DMD: variants seen among roughly 807,000 people sequenced by gnomAD.
The protein encoded by DMD is mutant dystrophin.
A neutral mutation model predicts 330.1 loss-of-function variants in DMD; 63 were observed. The ratio of observed to expected loss-of-function variants is 0.19; its 90% CI spans 0.16 to 0.24. The LOEUF (loss-of-function observed/expected upper bound fraction) is 0.24. Ranked by LOEUF, DMD falls within the 10% of genes least tolerant of loss-of-function variation. DMD has a pLI of 1.00. For synonymous variants in DMD, 1,223 were observed against 959.8 expected (o/e 1.27, Z -5.07); for missense variants, 3,344 against 2,684.1 (o/e 1.25, Z -5.43).
chrX:32,463,443 T>A lies in DMD; in HGVS notation c.3428A>T (p.Gln1143Leu). 1 of 1,206,995 alleles carries A rather than the reference T, an allele frequency of 8.3e-7. No homozygotes were observed. The highest frequency in any genetic ancestry group is 1.1e-6 in the Non-Finnish European group (1 of 893,075). ...AGTGAAAGAGATTGTCTATACCTGT[T>A]GGCACATGTGATCCCACTGAGTGTT... is the stretch of plus-strand genomic sequence containing the variant. ...ELNTQWDHMC[Q>L]QVYARKEALK... The change falls in exon 25 of 79, where the codon CAA becomes CTA. Residue 1143 changes from glutamine to leucine, a missense_variant. By Grantham distance (113) the Gln-to-Leu change is moderately radical. Transcript: ENST00000357033.
In DMD at chrX:32,644,971, G is replaced by A; in HGVS notation, c.1142C>T (p.Thr381Ile). Residue 381 changes from threonine to isoleucine, a missense_variant, in exon 10 of 79, where the codon ACT (threonine) becomes ATT (isoleucine). Coordinates refer to ENST00000357033, the MANE Select transcript of DMD (RefSeq NM_004006.3). ...ATTAACGTTTTAGTTTACCTCATGAGTATGAAACTGGTCTTTCACCACTTC... is the reference window on the plus strand; with the variant it reads ...ATTAACGTTTTAGTTTACCTCATGAATATGAAACTGGTCTTTCACCACTTC... ...DVEVVKDQFH[T>I]HEGYMMDLTA... 1 of 1,211,071 alleles carries A rather than the reference G, an allele frequency of 8.3e-7. No homozygotes were observed. Among genetic ancestry groups the A allele is most frequent in the Non-Finnish European group, 1.1e-6 (1 of 894,967 alleles).
At chrX:33,335,625 T>A (rs963430044) in intron 1 of DMD, among the ~76,000 whole-genome samples, 8 of 110,850 alleles carry the variant, frequency 7.2e-5, no homozygotes, top group Non-Finnish European at 1.3e-4. Context: ...TTGTTCTGCT[T>A]CCCAGATAGA....
intron 43 of DMD, among the ~76,000 whole-genome samples, chrX:32,281,742 C>A (rs933773556): frequency 5.4e-4 from 61 of 112,060 alleles, no homozygotes; most frequent in Middle Eastern, 9.3e-3. Context: ...TCAACATTTC[C>A]TTTATTTTAT....
chrX:32,438,376 C>G lies in DMD; in HGVS notation c.3936G>C (p.Leu1312Phe), dbSNP rs377156960. 3.7e-5 allele frequency: 45 copies of G among 1,209,710 alleles called. No homozygotes were observed. Among genetic ancestry groups the G allele is most frequent in the Middle Eastern group, 4.6e-4 (2 of 4,371 alleles). Residue 1312 changes from leucine (L) to phenylalanine (F), a missense_variant, in exon 29 of 79, where the codon TTG (leucine) becomes TTC (phenylalanine). Physicochemically the swap from Leu to Phe is conservative, Grantham distance 22 (BLOSUM62 0). Coordinates refer to ENST00000357033, the MANE Select transcript of DMD (RefSeq NM_004006.3). Reference protein sequence around the residue: ...ISEVLDSLENLMRHSEDNPNQ... With the variant: ...ISEVLDSLENFMRHSEDNPNQ... ...TTGGGTTATCCTCTGAATGTCGCAT[C>G]AAATTTTCAAGTGACTGAAACACAT...
intron 60 of DMD, among the ~76,000 whole-genome samples, chrX:31,436,345 A>C (rs1262930007): frequency 8.9e-6 from 1 of 111,804 alleles, no homozygotes; most frequent in African/African-American, 3.2e-5. Context: ...CATTCTCTTA[A>C]ATTCATAAAT....
chrX:32,489,350 G>GT (rs772838898), intron 20 of DMD, among the ~76,000 whole-genome samples: 7 of 109,750 alleles, frequency 6.4e-5, no homozygotes, highest in Non-Finnish European at 1.3e-4. Flanking sequence ...GGGTGGCGGG[G>GT]TGGGGGGCTA....
intron 72 of DMD, among the ~76,000 whole-genome samples, 154 bp from the exon 73 acceptor site, chrX:31,172,567 T>C (rs186053440): frequency 2.7e-5 from 3 of 112,310 alleles, no homozygotes; most frequent in African/African-American, 9.7e-5. Context: ...GCTTAACCAT[T>C]TGAGGCAGTG....
intron 51 of DMD, among the ~76,000 whole-genome samples, chrX:31,772,921 T>C (rs1233455967): frequency 1.8e-5 from 2 of 112,030 alleles, no homozygotes. Flanking sequence ...GAAACGAAGA[T>C]CCAGAGATGG....
intron 9 of DMD, among the ~76,000 whole-genome samples, chrX:32,681,952 A>G (rs2062457905): frequency 9.0e-6 from 1 of 111,640 alleles, no homozygotes; most frequent in South Asian, 3.8e-4. Flanking sequence ...AGGGAGATAC[A>G]TGTGTAAAGT....
intron 54 of DMD, among the ~76,000 whole-genome samples, chrX:31,641,380 G>T (rs900865960): frequency 2.8e-5 from 3 of 109,091 alleles, no homozygotes; most frequent in Non-Finnish European, 5.7e-5. Context: ...GTGGGTGCCT[G>T]TAATCCCAGC....
chrX:31,686,213 G>T (rs934854149), intron 52 of DMD, among the ~76,000 whole-genome samples: 2 of 112,404 alleles, frequency 1.8e-5, no homozygotes, highest in Non-Finnish European at 3.8e-5. Flanking sequence ...CTAGTGTTTG[G>T]CATTTGGAAT....
chrX:31,651,098 AAG>A (rs1569176496), intron 54 of DMD, among the ~76,000 whole-genome samples: 1 of 112,301 alleles, frequency 8.9e-6, no homozygotes, highest in East Asian at 2.8e-4. Flanking sequence ...TAGATTGGGA[AAG>A]AGAGATCAAG....
At chrX:32,148,597 T>C (rs933066955) in intron 44 of DMD, among the ~76,000 whole-genome samples, 4 of 107,613 alleles carry the variant, frequency 3.7e-5, no homozygotes, top group African/African-American at 1.4e-4. Flanking sequence ...TATCTCCCCT[T>C]TGATTAAAAA....
At chrX:31,177,576 A>G (rs938286397) in intron 71 of DMD, among the ~76,000 whole-genome samples, 8 of 111,588 alleles carry the variant, frequency 7.2e-5, no homozygotes, top group African/African-American at 9.7e-5. Context: ...TGTAATCAGA[A>G]GCTTCTTCCT....
intron 7 of DMD, among the ~76,000 whole-genome samples, chrX:32,765,457 C>A: frequency 9.0e-6 from 1 of 111,161 alleles, no homozygotes; most frequent in East Asian, 2.8e-4. Context: ...AGAAGCCGAG[C>A]AGATGCCAGC....
chrX:32,267,990 A>T (rs1344795058), intron 43 of DMD, among the ~76,000 whole-genome samples: 1 of 112,365 alleles, frequency 8.9e-6, no homozygotes, highest in Non-Finnish European at 1.9e-5. Context: ...TAAACAAGTA[A>T]GTCAATAAGG....
chrX:33,296,034 G>A (rs1245901354), intron 1 of DMD, among the ~76,000 whole-genome samples: 2 of 111,368 alleles, frequency 1.8e-5, no homozygotes, highest in Non-Finnish European at 3.8e-5. Context: ...ATTCTGATAT[G>A]TAACTATCAT....
chrX:33,067,306 G>T (rs1467064331), intron 1 of DMD, among the ~76,000 whole-genome samples: 1 of 112,037 alleles, frequency 8.9e-6, no homozygotes, highest in Non-Finnish European at 1.9e-5. Context: ...TGGATTCTCC[G>T]AATGATTATA....
At chrX:32,583,183 C>T (rs768104723) in intron 13 of DMD, among the ~76,000 whole-genome samples, 1 of 112,052 alleles carries the variant, frequency 8.9e-6, no homozygotes, top group African/African-American at 3.2e-5. Context: ...TTGTCTGGTG[C>T]ATTTTTTCTT....
Sources: allele counts gnomAD v4.1 joint callset (sites outside exome capture counted in the v4.1 genomes callset), GRCh38; gene constraint gnomAD v4.1.1; transcripts MANE v1.5; gene names NCBI Gene and HGNC (gene_info 2026-07-23, HGNC 2026-07-21).